TUSC3: variants seen among roughly 807,000 people sequenced by gnomAD.
The protein encoded by TUSC3 is tumor suppressor candidate 3, also known as dolichyl-diphosphooligosaccharide--protein glycosyltransferase subunit TUSC3.
In TUSC3, 45 loss-of-function variants were observed where a neutral mutation model predicts 44.8. That is an observed-to-expected ratio of 1.00 (90% CI 0.79 to 1.29). The LOEUF (loss-of-function observed/expected upper bound fraction) is 1.29. Among genes scored for constraint, TUSC3 ranks in the 50% most tolerant of loss-of-function variants. TUSC3 has a pLI of 0.00. For synonymous variants in TUSC3, 212 were observed against 152.9 expected (o/e 1.39, Z -2.85); for missense variants, 519 against 437.9 (o/e 1.19, Z -1.65).
chr8:15,813,389 C>CAG, the TUSC3 span, among the ~76,000 whole-genome samples: 3 of 145,130 alleles, frequency 2.1e-5, no homozygotes, highest in Admixed American at 7.0e-5. Flanking sequence ...AACAAACAAA[C>CAG]AAAAAAAAAA....
intron 1 of TUSC3, among the ~76,000 whole-genome samples, chr8:15,553,797 G>C (rs1193744237): frequency 6.6e-6 from 1 of 151,684 alleles, no homozygotes; most frequent in Non-Finnish European, 1.5e-5. Flanking sequence ...TGAAAATAAA[G>C]AATGTTATGT....
chr8:15,699,048 A>C (rs571572287), intron 6 of TUSC3, among the ~76,000 whole-genome samples: 1 of 152,022 alleles, frequency 6.6e-6, no homozygotes, highest in African/African-American at 2.4e-5. Context: ...GGGTCTTGCT[A>C]TGTCATCTAG....
chr8:15,589,757 A>T (rs1364465561), intron 1 of TUSC3, among the ~76,000 whole-genome samples: 1 of 152,196 alleles, frequency 6.6e-6, no homozygotes, highest in Non-Finnish European at 1.5e-5. Context: ...ACAAATAAGC[A>T]TACAGCCTTA....
the TUSC3 span, among the ~76,000 whole-genome samples, chr8:15,823,443 T>A: frequency 6.6e-6 from 1 of 152,168 alleles, no homozygotes; most frequent in Non-Finnish European, 1.5e-5. Context: ...GGTAAAGCCG[T>A]CAAGCAACAT....
chr8:15,695,465 T>G (rs980276848), intron 6 of TUSC3, among the ~76,000 whole-genome samples: 1 of 152,198 alleles, frequency 6.6e-6, no homozygotes, highest in Non-Finnish European at 1.5e-5. Flanking sequence ...AACCTCTTTT[T>G]CTTCCCAGGC....
At chr8:15,504,048 A>G (rs1801011715) in intron 2 of TUSC3, among the ~76,000 whole-genome samples, 2 of 151,928 alleles carry the variant, frequency 1.3e-5, no homozygotes, top group Non-Finnish European at 2.9e-5. Flanking sequence ...GTAGAAAAGA[A>G]CACACCGTTT....
the TUSC3 span, among the ~76,000 whole-genome samples, chr8:15,837,627 A>T: frequency 6.6e-6 from 1 of 152,072 alleles, no homozygotes; most frequent in Non-Finnish European, 1.5e-5. Context: ...CTGCCAGCCG[A>T]ACTCACATTT....
intron 6 of TUSC3, among the ~76,000 whole-genome samples, chr8:15,677,154 A>G (rs1166549683): frequency 6.6e-6 from 1 of 152,000 alleles, no homozygotes; most frequent in African/African-American, 2.4e-5. Flanking sequence ...AGTACCTCGG[A>G]CACTGTGCCT....
At chr8:15,617,426 C>T (rs979287461) in intron 1 of TUSC3, among the ~76,000 whole-genome samples, 2 of 152,084 alleles carry the variant, frequency 1.3e-5, no homozygotes, top group Non-Finnish European at 2.9e-5. Flanking sequence ...GCGTGAGCCA[C>T]CGCGCCTGGC....
the TUSC3 span, among the ~76,000 whole-genome samples, chr8:15,843,617 T>C: frequency 0.11 from 15,579 of 136,286 alleles, 1,015 homozygotes; most frequent in East Asian, 0.24. Context: ...TATATATATA[T>C]ATATACACGC....
upstream of TUSC3, among the ~76,000 whole-genome samples, chr8:15,535,658 A>G (rs1801512622): frequency 6.6e-6 from 1 of 152,174 alleles, no homozygotes; most frequent in South Asian, 2.1e-4. Flanking sequence ...ATGAATACAT[A>G]CCCTCTGTCC....
rs758502537 is a variant in TUSC3, at chr8:15,621,834, A to AGCAT, written c.139-1236_139-1233dup. Among the ~76,000 whole-genome samples, 8 of 149,836 alleles carry AGCAT rather than the reference A, an allele frequency of 5.3e-5. No homozygotes were observed. The East Asian group carries it at 7.8e-4, about 15-fold the overall frequency. ...TGTGATTTTTCTTTTTCATACAGTTAGCATGCATGCATGTCTGAATGTTCT... is the reference window on the plus strand; with the variant it reads ...TGTGATTTTTCTTTTTCATACAGTTAGCATGCATGCATGCATGTCTGAATGTTCT... On this transcript the variant is annotated intron_variant, in intron 1 of 10. Coordinates refer to ENST00000503731, the MANE Select transcript of TUSC3 (RefSeq NM_006765.4).
intron 6 of TUSC3, among the ~76,000 whole-genome samples, chr8:15,698,182 G>T (rs1482866023): frequency 6.6e-6 from 1 of 152,002 alleles, no homozygotes; most frequent in Non-Finnish European, 1.5e-5. Flanking sequence ...TTTTATAATA[G>T]ATGTCTAGCA....
At chr8:15,774,249 GATAA>G in the TUSC3 span, among the ~76,000 whole-genome samples, 1 of 53,320 alleles carries the variant, frequency 1.9e-5, no homozygotes, top group African/African-American at 5.8e-5. Context: ...CCTCAAAAAA[GATAA>G]GTTGAAGTCC....
chr8:15,713,937 T>G (rs1809960754), intron 6 of TUSC3, among the ~76,000 whole-genome samples: 1 of 152,172 alleles, frequency 6.6e-6, no homozygotes, highest in Non-Finnish European at 1.5e-5. Context: ...TTCACAACCG[T>G]GGCCTCATTT....
chr8:15,814,277 CA>C, the TUSC3 span, among the ~76,000 whole-genome samples: 1 of 152,024 alleles, frequency 6.6e-6, no homozygotes, highest in East Asian at 1.9e-4. Flanking sequence ...CATGATAAAA[CA>C]GTAACAATAT....
rs369945120 is a variant in TUSC3, at chr8:15,726,459, AC to A, written c.799-4205del. Among the ~76,000 whole-genome samples, 35 of 152,244 alleles carry A rather than the reference AC, an allele frequency of 2.3e-4. No homozygotes were observed. In the East Asian group the frequency reaches 3.7e-3, roughly 16 times the overall value. ...TTTTGTTATAACCTTATTTTTATGA[AC>A]CTTTTTTTATTGAATCACTTTTTAT... On this transcript the variant is annotated intron_variant, in intron 6 of 10. Transcript: ENST00000503731.
chr8:15,596,415 G>C (rs62504254), intron 1 of TUSC3, among the ~76,000 whole-genome samples: 27,480 of 152,044 alleles, frequency 0.18, 2,519 homozygotes, highest in South Asian at 0.26. Context: ...TAAAGACCCT[G>C]TGTTCCTGGA....
intron 6 of TUSC3, among the ~76,000 whole-genome samples, chr8:15,684,212 T>G: frequency 6.6e-6 from 1 of 150,828 alleles, no homozygotes; most frequent in African/African-American, 2.5e-5. Context: ...CAGGGGTGGG[T>G]GGGGGGCAGG....
Sources: gnomAD v4.1 joint callset for allele counts (sites outside exome capture counted in the v4.1 genomes callset) on GRCh38, gnomAD v4.1.1 for gene constraint, MANE v1.5 for transcripts, NCBI Gene and HGNC (gene_info 2026-07-23, HGNC 2026-07-21) for gene names.